The following UNC5D variants were observed in gnomAD, a reference collection of about 807,000 sequenced individuals.
UNC5D encodes the protein unc-5 netrin receptor D, also known as netrin receptor UNC5D.
A neutral mutation model predicts 105.4 loss-of-function variants in UNC5D; 39 were observed. The ratio of observed to expected loss-of-function variants is 0.37; its 90% CI spans 0.29 to 0.48. The LOEUF is 0.48. UNC5D is among the 20% of genes least tolerant of loss of function. UNC5D has a pLI of 0.98. For missense variants in UNC5D, 991 were observed against 1,202.4 expected, an observed-to-expected ratio of 0.82 and a Z score of 2.60; for synonymous variants, 452 against 450.4, an observed-to-expected ratio of 1.00 and a Z score of -0.04.
intron 11 of UNC5D, among the ~76,000 whole-genome samples, chr8:35,733,865 A>C (rs1035812927): frequency 3.3e-5 from 5 of 152,172 alleles, no homozygotes; most frequent in African/African-American, 9.7e-5. Context: ...AAAGATGAAT[A>C]GGAATTAGCC....
chr8:35,442,171 G>A (rs1399962953), intron 1 of UNC5D, among the ~76,000 whole-genome samples: 1 of 151,752 alleles, frequency 6.6e-6, no homozygotes, highest in Non-Finnish European at 1.5e-5. Context: ...GGTTTTTGTT[G>A]TTTTTTAATA....
intron 4 of UNC5D, among the ~76,000 whole-genome samples, chr8:35,650,119 AAAAC>A (rs1453373230): frequency 4.0e-5 from 6 of 151,894 alleles, no homozygotes; most frequent in Middle Eastern, 3.4e-3. Context: ...GAAACTACAA[AAAAC>A]AAACAAAAAA....
At chr8:35,598,130 C>T (rs908536498) in intron 4 of UNC5D, among the ~76,000 whole-genome samples, 8 of 152,128 alleles carry the variant, frequency 5.3e-5, no homozygotes, top group African/African-American at 1.9e-4. Flanking sequence ...GTAAGGCCTG[C>T]TCTGTACACT....
At chr8:35,414,188 A>G in intron 1 of UNC5D, among the ~76,000 whole-genome samples, 1 of 152,150 alleles carries the variant, frequency 6.6e-6, no homozygotes, top group East Asian at 1.9e-4. Flanking sequence ...AACATCTAAA[A>G]TAGACCCAAG....
rs140003288 is a variant in UNC5D, at chr8:35,401,613, T to G, written c.104-147679T>G. ...TAATATCATATGTTTCAAAGACATT[T>G]TAAGAGGAAAGGGTACACTGCTTGT... is the stretch of plus-strand genomic sequence containing the variant. On this transcript the variant is annotated intron_variant, in intron 1 of 16. Transcript: ENST00000404895. 8.2e-4 allele frequency among the ~76,000 whole-genome samples: 125 copies of G among 152,322 alleles called. 1 individual carries two copies. The highest frequency in any genetic ancestry group is 2.9e-3 in the African/African-American group (119 of 41,576).
intron 4 of UNC5D, among the ~76,000 whole-genome samples, chr8:35,612,242 G>T (rs1225328083): frequency 7.2e-5 from 11 of 152,194 alleles, no homozygotes; most frequent in Non-Finnish European, 1.3e-4. Flanking sequence ...AAGGTCAAGG[G>T]TTTTTGTCAA....
chr8:35,585,827 T>C (rs563878284), intron 3 of UNC5D, among the ~76,000 whole-genome samples: 62 of 151,698 alleles, frequency 4.1e-4, no homozygotes, highest in Middle Eastern at 3.4e-3. Context: ...ATGTTCCAGA[T>C]GTATAGGAAT....
chr8:35,615,124 A>G (rs1820956234), intron 4 of UNC5D, among the ~76,000 whole-genome samples: 1 of 149,042 alleles, frequency 6.7e-6, no homozygotes, highest in Non-Finnish European at 1.5e-5. Flanking sequence ...ATGTAGTTCC[A>G]GCTACTCAGG....
At chr8:35,289,408 G>A (rs979557959) in intron 1 of UNC5D, among the ~76,000 whole-genome samples, 3 of 152,136 alleles carry the variant, frequency 2.0e-5, no homozygotes, top group South Asian at 2.1e-4. Context: ...TACTGTAATA[G>A]CAGGGGAATC....
intron 1 of UNC5D, among the ~76,000 whole-genome samples, chr8:35,307,414 G>A (rs776505119): frequency 6.6e-6 from 1 of 152,134 alleles, no homozygotes; most frequent in African/African-American, 2.4e-5. Flanking sequence ...GCCTAGGTGA[G>A]GAGGCATTAT....
At chr8:35,710,511 A>G (rs925688709) in intron 8 of UNC5D, among the ~76,000 whole-genome samples, 1 of 152,192 alleles carries the variant, frequency 6.6e-6, no homozygotes, top group African/African-American at 2.4e-5. Flanking sequence ...CGTTGGCCAG[A>G]CAGTCGAGAA....
chr8:35,267,222 G>C (rs1804943513), intron 1 of UNC5D, among the ~76,000 whole-genome samples: 1 of 151,626 alleles, frequency 6.6e-6, no homozygotes, highest in African/African-American at 2.4e-5. Context: ...ATTTTTCCAG[G>C]GTAAGTTTAA....
chr8:35,434,941 G>A (rs6983206), intron 1 of UNC5D, among the ~76,000 whole-genome samples: 3,640 of 152,080 alleles, frequency 0.024, 149 homozygotes, highest in African/African-American at 0.084. Context: ...ATTGTATGTC[G>A]TGTGTGTGTA....
At chr8:35,527,865 C>T (rs1813996655) in intron 1 of UNC5D, among the ~76,000 whole-genome samples, 1 of 151,974 alleles carries the variant, frequency 6.6e-6, no homozygotes, top group South Asian at 2.1e-4. Context: ...TAGTCCTGTT[C>T]ATATGGTCAC....
chr8:35,507,249 G>A (rs1812383371), intron 1 of UNC5D, among the ~76,000 whole-genome samples: 1 of 151,560 alleles, frequency 6.6e-6, no homozygotes, highest in South Asian at 2.1e-4. Context: ...TAGAGACGGG[G>A]TTTCACCGTT....
chr8:35,646,771 AAT>A (rs1563627326), intron 4 of UNC5D, among the ~76,000 whole-genome samples: 1 of 152,148 alleles, frequency 6.6e-6, no homozygotes, highest in Admixed American at 6.5e-5. Context: ...TTTAATCATA[AAT>A]ATGTTTCCAG....
intron 1 of UNC5D, among the ~76,000 whole-genome samples, chr8:35,407,143 T>C (rs1286108026): frequency 2.0e-5 from 3 of 152,128 alleles, no homozygotes; most frequent in African/African-American, 7.2e-5. Context: ...AGGTATTCAG[T>C]ACAGGAACAT....
chr8:35,636,198 G>T (rs949434549), intron 4 of UNC5D, among the ~76,000 whole-genome samples: 1 of 152,182 alleles, frequency 6.6e-6, no homozygotes, highest in Non-Finnish European at 1.5e-5. Context: ...ATTTCATAGA[G>T]CAAGGAAAGA....
intron 4 of UNC5D, among the ~76,000 whole-genome samples, chr8:35,632,840 G>C (rs1439490170): frequency 6.6e-6 from 1 of 152,136 alleles, no homozygotes; most frequent in Non-Finnish European, 1.5e-5. Context: ...GTTCCAGTCA[G>C]CCATCTCTTT....
Sources: gnomAD v4.1 joint callset for allele counts (sites outside exome capture counted in the v4.1 genomes callset) on GRCh38, gnomAD v4.1.1 for gene constraint, MANE v1.5 for transcripts, NCBI Gene and HGNC (gene_info 2026-07-23, HGNC 2026-07-21) for gene names.